CYSTM1: variants seen among roughly 807,000 people sequenced by gnomAD.
CYSTM1 encodes the protein cysteine rich transmembrane module containing 1, also known as cysteine-rich transmembrane module-containing protein 1.
In CYSTM1, 4 loss-of-function variants were observed where a neutral mutation model predicts 13.1. That is an observed-to-expected ratio of 0.31 (90% CI 0.15 to 0.70). CYSTM1 has a LOEUF of 0.70. Ranked by LOEUF, CYSTM1 falls within the 30% of genes least tolerant of loss-of-function variation. The probability of loss-of-function intolerance (pLI) is 0.72; values close to 1 mark genes in which losing one functional copy is unlikely to be tolerated. For synonymous variants in CYSTM1, 36 were observed against 42.7 expected (o/e 0.84, Z 0.62); for missense variants, 96 against 121.6 (o/e 0.79, Z 0.99).
intron 2 of CYSTM1, among the ~76,000 whole-genome samples, chr5:140,227,002 G>A (rs555001456): frequency 6.6e-6 from 1 of 152,252 alleles, no homozygotes; most frequent in South Asian, 2.1e-4. Context: ...GAGGAAGTGA[G>A]AGGAGAAAGC....
At chr5:140,217,597 C>G (rs1330987462) in intron 2 of CYSTM1, among the ~76,000 whole-genome samples, 1 of 152,162 alleles carries the variant, frequency 6.6e-6, no homozygotes, top group African/African-American at 2.4e-5. Context: ...CCCTCAGCCC[C>G]TTTCTAGAAA....
chr5:140,195,819 C>G (rs1248025095), intron 2 of CYSTM1, among the ~76,000 whole-genome samples: 2 of 151,116 alleles, frequency 1.3e-5, no homozygotes, highest in Non-Finnish European at 3.0e-5. Flanking sequence ...CCAAGGCGGG[C>G]AGATCACCTG....
rs1763890878 is a variant in CYSTM1, at chr5:140,176,784, A to T, written c.-21+1499A>T. Among the ~76,000 whole-genome samples, 5 of 152,140 alleles carry T rather than the reference A, an allele frequency of 3.3e-5. No individual in the cohort carries two copies. The South Asian group carries it at 1.0e-3, about 31-fold the overall frequency. ...TTGATTGTAGATCAAAGATCTCTAG[A>T]CCTGGCCTGGTGCGGTGGCTCACAC... On this transcript the variant is annotated intron_variant, in intron 1 of 2. Transcript: ENST00000261811.
intron 1 of CYSTM1, among the ~76,000 whole-genome samples, chr5:140,177,133 G>A (rs1763901053): frequency 6.6e-6 from 1 of 151,442 alleles, no homozygotes; most frequent in Admixed American, 6.6e-5. Context: ...GTGTAAGGCT[G>A]CGTAAGTGTT....
intron 1 of CYSTM1, among the ~76,000 whole-genome samples, chr5:140,194,129 C>T (rs1203056415): frequency 3.3e-5 from 5 of 152,204 alleles, no homozygotes; most frequent in Admixed American, 2.6e-4. Context: ...ATTCATTTAA[C>T]ACATTTATTT....
At chr5:140,212,023 T>C (rs550523569) in intron 2 of CYSTM1, among the ~76,000 whole-genome samples, 1 of 152,276 alleles carries the variant, frequency 6.6e-6, no homozygotes, top group South Asian at 2.1e-4. Context: ...TCTAATTAGA[T>C]TTTATTTAGG....
chr5:140,188,565 G>C (rs924820506), intron 1 of CYSTM1, among the ~76,000 whole-genome samples: 8 of 152,188 alleles, frequency 5.3e-5, no homozygotes, highest in African/African-American at 1.7e-4. Context: ...GCCGAGGCGG[G>C]CGGATCACGA....
intron 2 of CYSTM1, among the ~76,000 whole-genome samples, chr5:140,238,010 A>G (rs1475778455): frequency 2.0e-5 from 3 of 152,160 alleles, no homozygotes; most frequent in Admixed American, 6.5e-5. Flanking sequence ...CTGGAGAGCA[A>G]TGGCAACCTG....
Position 140,187,815 on chromosome 5 carries a change from T to TA in CYSTM1, c.-20-6630dup, listed in dbSNP as rs1456325313. 2.0e-5 allele frequency among the ~76,000 whole-genome samples: 3 copies of TA among 152,190 alleles called. No homozygotes were observed. The East Asian group carries it at 5.8e-4, about 29-fold the overall frequency. ...ATGTAACCAAAAGAATTTGGTTTTT[T>TA]ACCCCAAGTCTGGTACCCAACCAAG... On this transcript the variant is annotated intron_variant, in intron 1 of 2. Transcript: ENST00000261811.
chr5:140,207,133 C>T (rs1455313155), intron 2 of CYSTM1, among the ~76,000 whole-genome samples: 3 of 152,168 alleles, frequency 2.0e-5, no homozygotes, highest in Non-Finnish European at 4.4e-5. Context: ...GCTTGAGAAG[C>T]TTGTGGTTTC....
intron 2 of CYSTM1, chr5:140,200,760 CGT>C (rs1391472270): frequency 1.3e-5 from 2 of 152,012 alleles, no homozygotes; most frequent in Non-Finnish European, 2.9e-5. Context: ...GGGGTTTCAC[CGT>C]GTTAGCCAGG....
At chr5:140,206,056 C>CT (rs374827687) in intron 2 of CYSTM1, among the ~76,000 whole-genome samples, 39 of 152,328 alleles carry the variant, frequency 2.6e-4, no homozygotes, top group African/African-American at 7.5e-4. Flanking sequence ...ACTCCTGCCA[C>CT]TTTGCCCCTG....
intron 2 of CYSTM1, among the ~76,000 whole-genome samples, chr5:140,214,082 G>C (rs1764401771): frequency 1.3e-5 from 2 of 152,236 alleles, no homozygotes; most frequent in African/African-American, 2.4e-5. Flanking sequence ...ATGGTTTTTA[G>C]TGAGTGTACT....
At chr5:140,238,893 A>G (rs975135152) in intron 2 of CYSTM1, among the ~76,000 whole-genome samples, 1 of 152,070 alleles carries the variant, frequency 6.6e-6, no homozygotes, top group Non-Finnish European at 1.5e-5. Context: ...CAAAGCCATC[A>G]TCTCCCCTGG....
chr5:140,217,324 G>T (rs576338097), intron 2 of CYSTM1, among the ~76,000 whole-genome samples: 1 of 152,232 alleles, frequency 6.6e-6, no homozygotes, highest in African/African-American at 2.4e-5. Context: ...CTCCTCCTGA[G>T]CCTCCAAAAA....
At chr5:140,186,724 T>C (rs1373186973) in intron 1 of CYSTM1, among the ~76,000 whole-genome samples, 1 of 152,218 alleles carries the variant, frequency 6.6e-6, no homozygotes, top group East Asian at 1.9e-4. Flanking sequence ...TTGATGCTCC[T>C]ATAAGTATTT....
At position 140,219,681 on chromosome 5, in the gene CYSTM1, T is replaced by G. The variant is rs930099088; in HGVS notation, c.188-23624T>G. On this transcript the variant is annotated intron_variant, in intron 2 of 2. Coordinates refer to ENST00000261811, the MANE Select transcript of CYSTM1 (RefSeq NM_032412.4). This position sits in a 1 kb window ranked among gnomAD's most constrained non-coding sequence, Gnocchi z 4.1. ...ATCAGTAACACAGGAATCTGGTACC[T>G]TTTGAAGCCAGTTATGGTCTGTATA... Among the ~76,000 whole-genome samples, 2 of 152,238 alleles carry G rather than the reference T, an allele frequency of 1.3e-5. No homozygotes were observed. Among genetic ancestry groups the G allele is most frequent in the Non-Finnish European group, 2.9e-5 (2 of 68,036 alleles).
chr5:140,212,608 A>AT (rs2126664259), intron 2 of CYSTM1, among the ~76,000 whole-genome samples: 1 of 152,164 alleles, frequency 6.6e-6, no homozygotes, highest in East Asian at 1.9e-4. Context: ...CACTCAGCTA[A>AT]TTTTTGTGAG....
chr5:140,178,441 C>CTTTTTTTTTTTTTTTT (rs577709524), intron 1 of CYSTM1, among the ~76,000 whole-genome samples: 1,322 of 52,682 alleles, frequency 0.025, 181 homozygotes, highest in Non-Finnish European at 0.032. Context: ...CAAGTCCTTC[C>CTTTTTTTTTTTTTTTT]TTTTTTTTTT....
Sources: gnomAD v4.1 joint callset for allele counts (sites outside exome capture counted in the v4.1 genomes callset) on GRCh38, gnomAD v4.1.1 for gene constraint, Gnocchi (gnomAD v3.1) non-coding constraint, MANE v1.5 for transcripts, NCBI Gene and HGNC (gene_info 2026-07-23, HGNC 2026-07-21) for gene names.